Variants in PTMA observed in about 807,000 individuals in gnomAD.
PTMA encodes prothymosin alpha.
Under a neutral mutation model 16.9 loss-of-function variants are expected in PTMA, and 4 were observed. That is an observed-to-expected ratio of 0.24 (90% confidence interval 0.12 to 0.54). PTMA has a LOEUF of 0.54. PTMA is among the 20% of genes least tolerant of loss of function. The pLI is 0.95. For synonymous variants in PTMA, 58 were observed against 47.9 expected, an observed-to-expected ratio of 1.21 and a Z score of -0.87; for missense variants, 120 against 137.7, an observed-to-expected ratio of 0.87 and a Z score of 0.64.
At chr2:231,712,597 A>G in intron 4 of PTMA, 81 bp downstream of exon 4, 1 of 1,482,280 alleles carries the variant, frequency 6.7e-7, no homozygotes, top group Non-Finnish European at 9.4e-7. Flanking sequence ...CAAGCTGCGG[A>G]GGGACTGTTT....
intron 1 of PTMA, chr2:231,710,785 G>A: frequency 3.1e-6 from 1 of 326,656 alleles, no homozygotes; most frequent in Non-Finnish European, 6.2e-6. Flanking sequence ...TCTAGGAACA[G>A]CGGTCGGATT....
At position 231,710,233 on chromosome 2, in the gene PTMA, C is replaced by T. The variant is rs555064668; in HGVS notation, c.46-1115C>T. The T allele has an allele frequency of 3.7e-6, 5 of 1,338,954 alleles. No homozygotes were observed. The East Asian group carries it at 1.2e-4, about 32-fold the overall frequency. 82.9% of individuals were successfully genotyped at this position (1,338,954 alleles called of 1,614,324 possible). A position where few individuals can be genotyped will look rare whatever the true frequency, so the allele number is the denominator to read the frequency against. On this transcript the variant is annotated intron_variant, in intron 1 of 4. Transcript: ENST00000409115. ...GGCAGTGGGGCGTCGAGTCGAGAGC[C>T]CGGCCGACCGACGCGCGACCCGCGC...
intron 1 of PTMA, chr2:231,710,112 C>A: frequency 8.0e-7 from 1 of 1,242,890 alleles, no homozygotes. Context: ...GGCGCATCCC[C>A]GACAGTCTCG....
chr2:231,710,587 T>G (rs111665688), intron 1 of PTMA: 9,252 of 505,830 alleles, frequency 0.018, 333 homozygotes, highest in African/African-American at 0.11. Flanking sequence ...GGACCTCTGT[T>G]GGTATTGGTG....
chr2:231,709,951 C>T (rs952575104), intron 1 of PTMA: 7 of 739,500 alleles, frequency 9.5e-6, no homozygotes, highest in African/African-American at 9.2e-5. Context: ...CCCGGATCTC[C>T]ACAGGGGCTC....
At chr2:231,712,544 G>A (rs774030347) in intron 4 of PTMA, 28 bp downstream of exon 4, 10 of 1,611,310 alleles carry the variant, frequency 6.2e-6, no homozygotes, top group African/African-American at 2.7e-5. Flanking sequence ...AAGAAGGGGG[G>A]TTTGGCATCT....
intron 2 of PTMA, 108 bp from the exon 3 acceptor site, chr2:231,711,782 G>A: frequency 6.5e-7 from 1 of 1,544,208 alleles, no homozygotes; most frequent in Non-Finnish European, 8.7e-7. Context: ...GCTTGGCTGG[G>A]CTGTAGATGC....
chr2:231,710,338 C>CCCTGCGCGCGGTGCGTGCCGAGG (rs2048500914), intron 1 of PTMA: 1 of 1,222,774 alleles, frequency 8.2e-7, no homozygotes, highest in African/African-American at 1.6e-5. Flanking sequence ...GCCACGTGCT[C>CCCTGCGCGCGGTGCGTGCCGAGG]CCTGCGCGCG....
intron 3 of PTMA, among the ~76,000 whole-genome samples, chr2:231,712,202 T>A (rs2048526683): frequency 6.6e-6 from 1 of 152,296 alleles, no homozygotes; most frequent in South Asian, 2.1e-4. Context: ...CCTGAAAGTT[T>A]CTTTCGTGCA....
intron 1 of PTMA, 125 bp downstream of exon 1, chr2:231,708,876 C>G: frequency 8.4e-7 from 1 of 1,193,184 alleles, no homozygotes; most frequent in Non-Finnish European, 1.2e-6. Flanking sequence ...CGGCCCGCCC[C>G]CGGCGCGGTG....
At chr2:231,710,668 A>AC in intron 1 of PTMA, 1 of 434,146 alleles carries the variant, frequency 2.3e-6, no homozygotes, top group South Asian at 1.6e-5. Context: ...GCGGAGTCCC[A>AC]CCCCCGAGGT....
chr2:231,709,100 A>T, intron 1 of PTMA, among the ~76,000 whole-genome samples: 1 of 152,070 alleles, frequency 6.6e-6, no homozygotes, highest in East Asian at 1.9e-4. Flanking sequence ...CGCCGGGCGC[A>T]CGGAAATAAC....
intron 1 of PTMA, 182 bp from the exon 2 acceptor site, chr2:231,711,166 C>T (rs2048513644): frequency 5.6e-6 from 3 of 539,842 alleles, no homozygotes; most frequent in Admixed American, 3.2e-5. Flanking sequence ...TGCCCCCCGC[C>T]GGCCTTCCTT....
intron 2 of PTMA, chr2:231,711,662 G>T (rs2048520259): frequency 1.2e-6 from 1 of 820,068 alleles, no homozygotes; most frequent in East Asian, 2.7e-5. Context: ...GTCTGAGTTT[G>T]GGCTTGGCCC....
At position 231,708,670 on chromosome 2, in the gene PTMA, T is replaced by G; in HGVS notation, c.-37T>G. ...AGAGTCCCTGAACTCTCGCTTTCTT[T>G]TTAATCCCCTGCATCGGATCACCGG... is the stretch of plus-strand genomic sequence containing the variant. On this transcript the variant is annotated 5_prime_UTR_variant, in exon 1 of 5. Transcript: ENST00000409115. 2 of 1,600,062 alleles carry G rather than the reference T, an allele frequency of 1.2e-6. No individual in the cohort carries two copies. The highest frequency in any genetic ancestry group is 1.7e-6 in the Non-Finnish European group (2 of 1,179,336).
chr2:231,711,851 G>A, intron 2 of PTMA, 39 bp from the exon 3 acceptor site: 6 of 1,610,204 alleles, frequency 3.7e-6, no homozygotes, highest in Non-Finnish European at 5.1e-6. Flanking sequence ...CCAGCCTGGG[G>A]CCAGCTGGTA....
At position 231,712,792 on chromosome 2, in the gene PTMA, TTC is replaced by T. The variant is rs1381739543; in HGVS notation, c.286-8_286-7del. 9 of 1,592,942 alleles carry T rather than the reference TTC, an allele frequency of 5.6e-6. No individual in the cohort carries two copies. The highest frequency in any genetic ancestry group is 7.7e-6 in the Non-Finnish European group (9 of 1,169,808). ...GGGTTGGAGGGGCCTTTGACAGTCT[TTC>T]TCTGCTTAGGATGACGATGTCGATA... is the stretch of plus-strand genomic sequence containing the variant. On this transcript the variant is annotated splice_polypyrimidine_tract_variant and intron_variant, in intron 4 of 4. Transcript: ENST00000409115.
chr2:231,709,248 T>C (rs2048484115), intron 1 of PTMA, among the ~76,000 whole-genome samples: 1 of 152,276 alleles, frequency 6.6e-6, no homozygotes, highest in South Asian at 2.1e-4. Context: ...TTTCGCGCCC[T>C]GCAGCGGACC....
chr2:231,712,368 A>G (rs1368700184), intron 3 of PTMA, 75 bp from the exon 4 acceptor site: 9 of 1,482,670 alleles, frequency 6.1e-6, no homozygotes, highest in Non-Finnish European at 8.5e-6. Flanking sequence ...GCAGTCCACT[A>G]CATGTTCCTC....
Sources: gnomAD v4.1 joint callset for allele counts (sites outside exome capture counted in the v4.1 genomes callset) on GRCh38, gnomAD v4.1.1 for gene constraint, MANE v1.5 for transcripts, NCBI Gene and HGNC (gene_info 2026-07-23, HGNC 2026-07-21) for gene names.